The following TENM2 variants were observed in gnomAD, a reference collection of about 807,000 sequenced individuals.
TENM2 encodes teneurin transmembrane protein 2.
TENM2 carries 52 observed loss-of-function variants against 245.2 expected under a neutral mutation model. The observed-to-expected ratio is 0.21, with a 90% CI of 0.17 to 0.27. TENM2 has a LOEUF of 0.27. Ranked by LOEUF, TENM2 falls within the 10% of genes least tolerant of loss-of-function variation. The pLI is 1.00. For missense variants in TENM2, 3,046 were observed against 3,666.8 expected, an observed-to-expected ratio of 0.83 and a Z score of 4.37; for synonymous variants, 1,363 against 1,438.9, an observed-to-expected ratio of 0.95 and a Z score of 1.19.
At chr5:167,836,789 GA>G (rs5873070) in intron 2 of TENM2, among the ~76,000 whole-genome samples, 22,475 of 151,900 alleles carry the variant, frequency 0.15, 3,253 homozygotes, top group East Asian at 0.68. Flanking sequence ...ACCCAACTCA[GA>G]AAAAAATGAT....
At chr5:167,264,006 G>A in the TENM2 span, among the ~76,000 whole-genome samples, 4 of 151,802 alleles carry the variant, frequency 2.6e-5, no homozygotes, top group Non-Finnish European at 5.9e-5. Flanking sequence ...TTGGGAGGCT[G>A]AGGCAGAAGA....
At chr5:167,436,897 C>T (rs929662462) in intron 2 of TENM2, among the ~76,000 whole-genome samples, 1 of 152,236 alleles carries the variant, frequency 6.6e-6, no homozygotes, top group African/African-American at 2.4e-5. Flanking sequence ...GCCTACATTT[C>T]AGAAGATGTA....
At chr5:167,893,627 T>G (rs900948942) in intron 3 of TENM2, among the ~76,000 whole-genome samples, 1 of 151,780 alleles carries the variant, frequency 6.6e-6, no homozygotes, top group African/African-American at 2.4e-5. Context: ...AAAAGGTTTT[T>G]TTGTTGTTTT....
chr5:167,648,544 C>A (rs905307906), intron 2 of TENM2, among the ~76,000 whole-genome samples: 2 of 152,128 alleles, frequency 1.3e-5, no homozygotes, highest in African/African-American at 4.8e-5. Context: ...CGTACCCGTA[C>A]CTTCCTCATT....
At chr5:167,080,098 C>G in the TENM2 span, among the ~76,000 whole-genome samples, 1 of 152,168 alleles carries the variant, frequency 6.6e-6, no homozygotes, top group Admixed American at 6.5e-5. Context: ...TCCTGGTTAC[C>G]TTCCACAAAT....
chr5:167,164,777 C>T, the TENM2 span, among the ~76,000 whole-genome samples: 2 of 152,118 alleles, frequency 1.3e-5, no homozygotes, highest in African/African-American at 2.4e-5. Flanking sequence ...TCTCGAATCT[C>T]GAATGACTCA....
intron 2 of TENM2, among the ~76,000 whole-genome samples, chr5:167,598,882 A>G (rs563262558): frequency 1.1e-4 from 16 of 152,128 alleles, no homozygotes; most frequent in Non-Finnish European, 1.3e-4. Context: ...CAGGTTAATC[A>G]CTCCCTCCAT....
chr5:167,968,439 A>G (rs1046531976), intron 4 of TENM2, among the ~76,000 whole-genome samples: 5 of 152,142 alleles, frequency 3.3e-5, no homozygotes, highest in East Asian at 1.9e-4. Flanking sequence ...CTGAATACCA[A>G]TTCTTTTCTA....
intron 2 of TENM2, among the ~76,000 whole-genome samples, chr5:167,572,521 C>T (rs1213911331): frequency 2.6e-5 from 4 of 152,290 alleles, no homozygotes; most frequent in Admixed American, 2.6e-4. Context: ...TCTTCCTGTT[C>T]ACTTACTACT....
intron 2 of TENM2, among the ~76,000 whole-genome samples, chr5:167,379,104 A>C (rs1760942500): frequency 6.6e-6 from 1 of 152,114 alleles, no homozygotes; most frequent in African/African-American, 2.4e-5. Context: ...CATCTGTTGT[A>C]ATTGGGAAAT....
intron 3 of TENM2, among the ~76,000 whole-genome samples, chr5:167,900,146 T>TAG (rs1554141095): frequency 1.3e-5 from 1 of 74,838 alleles, no homozygotes; most frequent in Non-Finnish European, 2.5e-5. Context: ...GGGGGGGGGT[T>TAG]TTGGAAAGGA....
At chr5:167,935,870 G>T (rs575815645) in intron 3 of TENM2, among the ~76,000 whole-genome samples, 1 of 151,998 alleles carries the variant, frequency 6.6e-6, no homozygotes, top group Non-Finnish European at 1.5e-5. Context: ...CTGTGCCATC[G>T]CATTAAACAA....
At chr5:167,255,278 A>G in the TENM2 span, among the ~76,000 whole-genome samples, 1 of 152,070 alleles carries the variant, frequency 6.6e-6, no homozygotes, top group Non-Finnish European at 1.5e-5. Context: ...CTTTGTTGTA[A>G]TGTCTTTTAC....
chr5:168,035,962 G>C (rs6897683), intron 5 of TENM2, among the ~76,000 whole-genome samples: 55,749 of 151,990 alleles, frequency 0.37, 11,329 homozygotes, highest in African/African-American at 0.53. Flanking sequence ...GAGAAAGTTT[G>C]GCCTAAAAGA....
the TENM2 span, among the ~76,000 whole-genome samples, chr5:167,258,025 T>G: frequency 6.6e-6 from 1 of 152,050 alleles, no homozygotes; most frequent in Admixed American, 6.6e-5. Context: ...CCATTGGTTT[T>G]CCAAATTTCA....
At chr5:167,459,284 G>A (rs1469034533) in intron 2 of TENM2, among the ~76,000 whole-genome samples, 2 of 152,192 alleles carry the variant, frequency 1.3e-5, no homozygotes, top group South Asian at 2.1e-4. Context: ...TGAGCATGAT[G>A]TTCTCAAGGT....
At chr5:167,084,366 T>TATATATATATATATAC in the TENM2 span, among the ~76,000 whole-genome samples, 48 of 114,878 alleles carry the variant, frequency 4.2e-4, 2 homozygotes, top group Admixed American at 3.2e-3. Context: ...TATATATATA[T>TATATATATATATATAC]ACAGATCAGA....
chr5:167,178,558 C>G, the TENM2 span, among the ~76,000 whole-genome samples: 2 of 152,074 alleles, frequency 1.3e-5, no homozygotes, highest in African/African-American at 4.8e-5. Flanking sequence ...AAGGGTAATA[C>G]TACTTTATCG....
the TENM2 span, among the ~76,000 whole-genome samples, chr5:167,176,133 A>C: frequency 6.6e-6 from 1 of 152,232 alleles, no homozygotes; most frequent in Admixed American, 6.5e-5. Context: ...CAACTCCCTG[A>C]TGATATTCTC....
Sources: gnomAD v4.1 joint callset for allele counts (sites outside exome capture counted in the v4.1 genomes callset) on GRCh38, gnomAD v4.1.1 for gene constraint, MANE v1.5 for transcripts, NCBI Gene and HGNC (gene_info 2026-07-23, HGNC 2026-07-21) for gene names.